The following CSMD1 variants were observed in gnomAD, a reference collection of about 807,000 sequenced individuals.
CSMD1 encodes CUB and sushi domain-containing protein 1.
A neutral mutation model predicts 417.5 loss-of-function variants in CSMD1; 213 were observed. That is an observed-to-expected ratio of 0.51 (90% CI 0.46 to 0.57). The LOEUF (loss-of-function observed/expected upper bound fraction) is 0.57, where lower values mean the gene tolerates loss of function less well. CSMD1 is among the 20% of genes least tolerant of loss of function. The probability of loss-of-function intolerance (pLI) is 0.00; values close to 1 mark genes in which losing one functional copy is unlikely to be tolerated. For missense variants in CSMD1, 6,923 were observed against 4,529.7 expected, an observed-to-expected ratio of 1.53 and a Z score of -15.17; for synonymous variants, 2,862 against 1,736.8, an observed-to-expected ratio of 1.65 and a Z score of -16.11.
At chr8:4,921,548 T>G (rs1489314669) in intron 1 of CSMD1, among the ~76,000 whole-genome samples, 1 of 152,202 alleles carries the variant, frequency 6.6e-6, no homozygotes, top group Non-Finnish European at 1.5e-5. Context: ...CACTTTAAAC[T>G]GTGAACATAG....
At chr8:4,364,147 T>G (rs1801936091) in intron 3 of CSMD1, among the ~76,000 whole-genome samples, 1 of 152,192 alleles carries the variant, frequency 6.6e-6, no homozygotes, top group African/African-American at 2.4e-5. Flanking sequence ...TCAAAATCTC[T>G]CTTGTACTTC....
chr8:4,254,610 C>G (rs999848261), intron 3 of CSMD1, among the ~76,000 whole-genome samples: 8 of 152,186 alleles, frequency 5.3e-5, no homozygotes, highest in African/African-American at 1.9e-4. Context: ...CTGACTCACC[C>G]TGGACAACTT....
At chr8:4,501,984 A>C (rs1802282502) in intron 2 of CSMD1, among the ~76,000 whole-genome samples, 1 of 152,164 alleles carries the variant, frequency 6.6e-6, no homozygotes. Flanking sequence ...AATGCATTTT[A>C]ATAATGGGCA....
chr8:3,498,468 G>A (rs1372565344), intron 10 of CSMD1, among the ~76,000 whole-genome samples: 1 of 152,162 alleles, frequency 6.6e-6, no homozygotes, highest in Non-Finnish European at 1.5e-5. Context: ...TGATTATAAT[G>A]CTCTTTGGAG....
At chr8:4,363,992 T>C (rs1289572925) in intron 3 of CSMD1, among the ~76,000 whole-genome samples, 1 of 152,174 alleles carries the variant, frequency 6.6e-6, no homozygotes, top group South Asian at 2.1e-4. Context: ...GCATAACAGG[T>C]TGACTGACTG....
intron 3 of CSMD1, among the ~76,000 whole-genome samples, chr8:4,265,518 G>C (rs1403195661): frequency 9.6e-6 from 1 of 103,806 alleles, no homozygotes; most frequent in African/African-American, 2.6e-5. Context: ...AAATTTAATA[G>C]TACAATTTAA....
intron 2 of CSMD1, among the ~76,000 whole-genome samples, chr8:4,592,305 T>C (rs1800031922): frequency 6.6e-6 from 1 of 151,890 alleles, no homozygotes; most frequent in African/African-American, 2.4e-5. Context: ...TTTACAGTGG[T>C]AATTGGAATG....
intron 25 of CSMD1, among the ~76,000 whole-genome samples, chr8:3,302,172 A>C (rs1804464029): frequency 6.6e-6 from 1 of 152,172 alleles, no homozygotes; most frequent in Admixed American, 6.5e-5. Flanking sequence ...ATGAAATGTG[A>C]GGAGTTGGGA....
intron 12 of CSMD1, among the ~76,000 whole-genome samples, chr8:3,429,330 G>C (rs1472242180): frequency 6.6e-6 from 1 of 152,096 alleles, no homozygotes; most frequent in African/African-American, 2.4e-5. Flanking sequence ...AATATAAAAT[G>C]CAAAAATTAT....
chr8:3,952,123 A>C (rs1363390039), intron 5 of CSMD1, among the ~76,000 whole-genome samples: 2 of 152,310 alleles, frequency 1.3e-5, no homozygotes, highest in East Asian at 3.9e-4. Context: ...CAAATTATTT[A>C]AGTAGTGGTT....
chr8:3,276,157 T>C (rs35433488), intron 26 of CSMD1, among the ~76,000 whole-genome samples: 41,816 of 152,012 alleles, frequency 0.28, 5,972 homozygotes, highest in African/African-American at 0.34. Flanking sequence ...AGTCAGGACC[T>C]TCAGATGCAG....
At chr8:4,951,446 A>C (rs1808739016) in intron 1 of CSMD1, among the ~76,000 whole-genome samples, 1 of 151,562 alleles carries the variant, frequency 6.6e-6, no homozygotes. Flanking sequence ...AGAAAGAGGG[A>C]AGGAAGGAAG....
chr8:3,675,039 G>C (rs536077131), intron 7 of CSMD1, among the ~76,000 whole-genome samples: 2 of 152,158 alleles, frequency 1.3e-5, no homozygotes, highest in African/African-American at 2.4e-5. Context: ...TTAGGTGGAT[G>C]TATTAATATC....
chr8:4,184,689 C>T (rs1798565131), intron 3 of CSMD1, among the ~76,000 whole-genome samples: 1 of 151,974 alleles, frequency 6.6e-6, no homozygotes. Context: ...ACAACAGACA[C>T]CAGAGGTTGG....
chr8:3,977,975 C>G (rs776897852), intron 5 of CSMD1, among the ~76,000 whole-genome samples: 9 of 152,186 alleles, frequency 5.9e-5, no homozygotes, highest in East Asian at 1.9e-4. Flanking sequence ...TGTCCATCTA[C>G]TAGCTCTTAC....
chr8:3,651,035 T>A (rs1458157072), intron 7 of CSMD1, among the ~76,000 whole-genome samples: 2 of 152,226 alleles, frequency 1.3e-5, no homozygotes, highest in African/African-American at 4.8e-5. Flanking sequence ...CTTTTCATCA[T>A]ACAGCTTACC....
intron 1 of CSMD1, among the ~76,000 whole-genome samples, chr8:4,694,815 T>C (rs978242492): frequency 6.6e-6 from 1 of 152,106 alleles, no homozygotes; most frequent in African/African-American, 2.4e-5. Context: ...AAATAAACTT[T>C]CTAAATTGAC....
At chr8:3,793,279 A>C (rs978736405) in intron 5 of CSMD1, among the ~76,000 whole-genome samples, 2 of 152,228 alleles carry the variant, frequency 1.3e-5, no homozygotes, top group African/African-American at 4.8e-5. Flanking sequence ...GCAGTCTCTC[A>C]GGCAATTTTC....
chr8:3,318,757 G>T (rs909333715), intron 23 of CSMD1, among the ~76,000 whole-genome samples: 1 of 152,070 alleles, frequency 6.6e-6, no homozygotes, highest in Non-Finnish European at 1.5e-5. Context: ...CTTCTGCAGG[G>T]TTTCTGTGGA....
Sources: gnomAD v4.1 joint callset for allele counts (sites outside exome capture counted in the v4.1 genomes callset) on GRCh38, gnomAD v4.1.1 for gene constraint, MANE v1.5 for transcripts, NCBI Gene and HGNC (gene_info 2026-07-23, HGNC 2026-07-21) for gene names.